MGMT: variants seen among roughly 807,000 people sequenced by gnomAD.
The protein encoded by MGMT is O-6-methylguanine-DNA methyltransferase.
In MGMT, 14 loss-of-function variants were observed where a neutral mutation model predicts 15.9. That is an observed-to-expected ratio of 0.88 (90% CI 0.58 to 1.37). The LOEUF is 1.37. MGMT is among the 40% of genes most tolerant of loss of function. The probability of loss-of-function intolerance (pLI) is 0.00; values close to 1 mark genes in which losing one functional copy is unlikely to be tolerated. For synonymous variants in MGMT, 130 were observed against 118.2 expected (o/e 1.10, Z -0.65); for missense variants, 282 against 268.1 (o/e 1.05, Z -0.36).
At chr10:129,748,856 T>C (rs1848723645) in intron 3 of MGMT, among the ~76,000 whole-genome samples, 1 of 152,168 alleles carries the variant, frequency 6.6e-6, no homozygotes, top group South Asian at 2.1e-4. Context: ...CTGCCATCCA[T>C]TTACTTAATT....
intron 2 of MGMT, among the ~76,000 whole-genome samples, chr10:129,591,683 G>A (rs1846687813): frequency 6.6e-6 from 1 of 152,200 alleles, no homozygotes; most frequent in Non-Finnish European, 1.5e-5. Flanking sequence ...TGTAATCCCA[G>A]CACTTTGGGA....
chr10:129,698,909 G>T (rs1051899051), intron 2 of MGMT, among the ~76,000 whole-genome samples: 2 of 152,208 alleles, frequency 1.3e-5, no homozygotes, highest in African/African-American at 2.4e-5. Flanking sequence ...CGCAAGTGGG[G>T]TCTCATACAT....
intron 3 of MGMT, among the ~76,000 whole-genome samples, chr10:129,729,729 G>A (rs1344457135): frequency 6.6e-6 from 1 of 152,212 alleles, no homozygotes; most frequent in Non-Finnish European, 1.5e-5. Context: ...CCGTGGTAAA[G>A]AATAATTCAT....
intron 1 of MGMT, among the ~76,000 whole-genome samples, chr10:129,525,084 C>T (rs1409694042): frequency 1.3e-5 from 2 of 152,160 alleles, no homozygotes; most frequent in African/African-American, 4.8e-5. Flanking sequence ...TACACATTTA[C>T]GTTTTCTGCC....
chr10:129,620,457 T>G (rs1847079103), intron 2 of MGMT, among the ~76,000 whole-genome samples: 1 of 152,198 alleles, frequency 6.6e-6, no homozygotes, highest in African/African-American at 2.4e-5. Context: ...TATGGATTTG[T>G]CTCTTTTCCC....
chr10:129,496,311 G>A (rs1266703005), intron 1 of MGMT, among the ~76,000 whole-genome samples: 5 of 152,094 alleles, frequency 3.3e-5, no homozygotes, highest in African/African-American at 1.2e-4. Context: ...GGTGTTGTAT[G>A]CTATTTGCCT....
chr10:129,652,706 C>G (rs528530284), intron 2 of MGMT, among the ~76,000 whole-genome samples: 1 of 152,062 alleles, frequency 6.6e-6, no homozygotes, highest in Non-Finnish European at 1.5e-5. Flanking sequence ...CGTCAGCTGC[C>G]GGAGAGTCAG....
intron 1 of MGMT, among the ~76,000 whole-genome samples, chr10:129,494,031 A>T (rs1433786150): frequency 2.0e-5 from 3 of 152,156 alleles, no homozygotes; most frequent in African/African-American, 7.2e-5. Flanking sequence ...TAAAGATATA[A>T]CCTTCTTCCA....
chr10:129,713,263 A>G (rs1322021949), intron 3 of MGMT, among the ~76,000 whole-genome samples: 2 of 152,188 alleles, frequency 1.3e-5, no homozygotes, highest in Non-Finnish European at 2.9e-5. Context: ...GTGGAGCTGG[A>G]AGGTTTGTAA....
chr10:129,621,893 CTTAGA>C (rs974726104), intron 2 of MGMT, among the ~76,000 whole-genome samples: 1 of 152,112 alleles, frequency 6.6e-6, no homozygotes, highest in Non-Finnish European at 1.5e-5. Flanking sequence ...CCATCTAACT[CTTAGA>C]ATTTGTTAAC....
chr10:129,689,866 AAG>A (rs1460138166), intron 2 of MGMT, among the ~76,000 whole-genome samples: 8 of 152,246 alleles, frequency 5.3e-5, no homozygotes, highest in Admixed American at 4.6e-4. Flanking sequence ...TGCCTGGGAA[AAG>A]AGAGATGATA....
chr10:129,529,594 G>A lies in MGMT; in HGVS notation c.-12-6647G>A, dbSNP rs77168576. 5.5e-3 allele frequency among the ~76,000 whole-genome samples: 832 copies of A among 152,278 alleles called. 11 individuals are homozygous for A. Among genetic ancestry groups the A allele is most frequent in the African/African-American group, 0.019 (797 of 41,534 alleles). On this transcript the variant is annotated intron_variant, in intron 1 of 4. Transcript: ENST00000651593. Reference sequence around the variant, plus strand: ...TATCCACAGGAAGTGTTTTCTCATCGTGATGGAAATGAAGGGAAGATGTGA... The same window carrying A: ...TATCCACAGGAAGTGTTTTCTCATCATGATGGAAATGAAGGGAAGATGTGA...
chr10:129,520,786 C>T (rs1283518809), intron 1 of MGMT, among the ~76,000 whole-genome samples: 2 of 151,110 alleles, frequency 1.3e-5, no homozygotes, highest in Non-Finnish European at 3.0e-5. Flanking sequence ...CCTGCAGAGC[C>T]CCTATGGTGC....
At chr10:129,709,994 C>T (rs1191396116) in intron 3 of MGMT, among the ~76,000 whole-genome samples, 2 of 152,244 alleles carry the variant, frequency 1.3e-5, no homozygotes, top group African/African-American at 4.8e-5. Context: ...CCCCTCACTT[C>T]TGCCCATGGC....
chr10:129,721,428 A>G (rs1848370079), intron 3 of MGMT, among the ~76,000 whole-genome samples: 1 of 152,280 alleles, frequency 6.6e-6, no homozygotes, highest in African/African-American at 2.4e-5. Context: ...AAACCAGACA[A>G]CTATTGGGGA....
intron 3 of MGMT, among the ~76,000 whole-genome samples, chr10:129,721,035 A>G (rs1186790206): frequency 2.6e-5 from 4 of 152,336 alleles, no homozygotes; most frequent in Admixed American, 6.5e-5. Flanking sequence ...AGTTACATTC[A>G]GAGTAATCGT....
chr10:129,631,326 G>A (rs552827299), intron 2 of MGMT, among the ~76,000 whole-genome samples: 4 of 152,234 alleles, frequency 2.6e-5, no homozygotes, highest in Admixed American at 6.5e-5. Context: ...TTTGTTGACC[G>A]AATGTATTAT....
rs377480492 is a variant in MGMT, at chr10:129,648,645, GTTTC to G, written c.126-59241_126-59238del. Among the ~76,000 whole-genome samples, 42 of 152,260 alleles carry G rather than the reference GTTTC, an allele frequency of 2.8e-4. No individual in the cohort carries two copies. In the East Asian group the frequency reaches 7.7e-3, roughly 28 times the overall value. On this transcript the variant is annotated intron_variant, in intron 2 of 4. Transcript: ENST00000651593. Reference sequence around the variant, plus strand: ...GAAATGATTCTGACTTTGCCGCTAAGTTTCTTTCTTTCACTTTTTTTCTTTTCTT... The same window carrying G: ...GAAATGATTCTGACTTTGCCGCTAAGTTTCTTTCACTTTTTTTCTTTTCTT...
intron 2 of MGMT, among the ~76,000 whole-genome samples, chr10:129,641,493 C>A (rs955069694): frequency 6.6e-6 from 1 of 152,128 alleles, no homozygotes; most frequent in African/African-American, 2.4e-5. Context: ...TTTTTGACAA[C>A]CCATCACTAG....
Sources: allele counts gnomAD v4.1 joint callset (sites outside exome capture counted in the v4.1 genomes callset), GRCh38; gene constraint gnomAD v4.1.1; transcripts MANE v1.5; gene names NCBI Gene and HGNC (gene_info 2026-07-23, HGNC 2026-07-21).